USP24: variants seen among roughly 807,000 people sequenced by gnomAD.
The protein encoded by USP24 is ubiquitin specific peptidase 24.
In USP24, 97 loss-of-function variants were observed where a neutral mutation model predicts 361.6. That is an observed-to-expected ratio of 0.27 (90% CI 0.23 to 0.32). The LOEUF (loss-of-function observed/expected upper bound fraction) is 0.32. USP24 is among the 10% of genes least tolerant of loss of function. The pLI is 1.00. For synonymous variants in USP24, 1,098 were observed against 1,124.6 expected (o/e 0.98, Z 0.47); for missense variants, 2,353 against 3,165.6 (o/e 0.74, Z 6.16).
intron 1 of USP24, among the ~76,000 whole-genome samples, chr1:55,209,926 G>C (rs920356583): frequency 8.5e-5 from 13 of 152,156 alleles, no homozygotes; most frequent in African/African-American, 3.1e-4. Context: ...TAGGCAGTAA[G>C]TATAAAAATA....
rs1645100477 is a variant in USP24 at position 55,079,572 on chromosome 1, A to G, written c.7166T>C (p.Leu2389Ser). 6.3e-7 allele frequency: 1 copy of G among 1,577,018 alleles called. No homozygotes were observed. The highest frequency in any genetic ancestry group is 1.4e-5 in the African/African-American group (1 of 72,576). The change falls in exon 60 of 68, where the codon TTG (leucine) becomes TCG (serine). Residue 2389 changes from leucine (L) to serine (S), a missense_variant. Around this residue, in one of 8 missense-constraint regions of USP24, gnomAD observed 598 missense variants for 761.9 expected, o/e 0.78. Transcript: ENST00000294383. The part of the protein sequence containing the change: ...LPLHEEVEAL[L>S]FMSEGKPYLL... ...GTAAGGTTTCCCTTCAGACATGAAC[A>G]ACAAGGCTTCTACCTCCTCATGGAG...
At chr1:55,136,615 G>A (rs1436092358) in intron 28 of USP24, among the ~76,000 whole-genome samples, 1 of 152,136 alleles carries the variant, frequency 6.6e-6, no homozygotes, top group Non-Finnish European at 1.5e-5. Context: ...AAAGTAGCTG[G>A]ATTGTCGATG....
chr1:55,123,446 C>A lies in USP24; in HGVS notation c.4276+1G>T. On this transcript the variant is annotated splice_donor_variant, in intron 36 of 67. Coordinates refer to ENST00000294383, the MANE Select transcript of USP24 (RefSeq NM_015306.3). LOFTEE classifies it high-confidence loss of function. ...TAATCACAAACAAGCCTCCAGCATA[C>A]CCAGTTGCTGGCTCCGAAGCTGTAG... is the stretch of plus-strand genomic sequence containing the variant. 6.3e-7 allele frequency: 1 copy of A among 1,583,558 alleles called. No individual in the cohort carries two copies. The highest frequency in any genetic ancestry group is 8.6e-7 in the Non-Finnish European group (1 of 1,164,750).
chr1:55,169,628 T>C (rs936852628), intron 5 of USP24, among the ~76,000 whole-genome samples: 1 of 152,206 alleles, frequency 6.6e-6, no homozygotes, highest in African/African-American at 2.4e-5. Flanking sequence ...AATAGCCAAC[T>C]TCTCCACAGC....
intron 67 of USP24, among the ~76,000 whole-genome samples, chr1:55,070,589 C>G (rs555371662): frequency 6.6e-6 from 1 of 152,160 alleles, no homozygotes; most frequent in Non-Finnish European, 1.5e-5. Context: ...AGGGAAGAGG[C>G]TGAAGAGCGA....
intron 39 of USP24, 50 bp from the exon 40 acceptor site, chr1:55,107,480 A>G: frequency 6.7e-7 from 1 of 1,484,744 alleles, no homozygotes; most frequent in South Asian, 1.4e-5. Flanking sequence ...ATTTCCCTTT[A>G]TGGAGTCAAA....
At chr1:55,069,428 C>T (rs1557517372) in intron 67 of USP24, among the ~76,000 whole-genome samples, 1 of 152,224 alleles carries the variant, frequency 6.6e-6, no homozygotes, top group Non-Finnish European at 1.5e-5. Flanking sequence ...GCCCGCTTCA[C>T]GTTGGGCACT....
In USP24 at chr1:55,077,215, T is replaced by A; in HGVS notation, c.7380+20A>T. Reference sequence around the variant, plus strand: ...TAATACATTCCTAAATAAAAGTGAGTCAGAACAGTTATGACTTACCAATAT... The same window carrying A: ...TAATACATTCCTAAATAAAAGTGAGACAGAACAGTTATGACTTACCAATAT... On this transcript the variant is annotated intron_variant, in intron 62 of 67. Transcript: ENST00000294383. 1 of 1,491,064 alleles carries A rather than the reference T, an allele frequency of 6.7e-7. No individual in the cohort carries two copies. Among genetic ancestry groups the A allele is most frequent in the Non-Finnish European group, 9.0e-7 (1 of 1,106,754 alleles). 92.4% of individuals were successfully genotyped at this position (1,491,064 alleles called of 1,614,324 possible). A position where few individuals can be genotyped will look rare whatever the true frequency, so the allele number is the denominator to read the frequency against.
Position 55,162,241 on chromosome 1 carries a change from G to A in USP24, c.951C>T (p.Pro317=), listed in dbSNP as rs1425659754. Residue 317 remains proline, a synonymous_variant, in exon 8 of 68, where the codon CCC becomes CCT. Coordinates refer to ENST00000294383, the MANE Select transcript of USP24 (RefSeq NM_015306.3). ...TGAGGTACTCTGCACACACTCCTAA[G>A]GGCTGAATCAGTGCTGAGACAGCCT... ...ELGAVSALIQ[P]LGVCAEYLNS... is the part of the protein sequence containing the mutation. 1 of 1,593,598 alleles carries A rather than the reference G, an allele frequency of 6.3e-7. No homozygotes were observed. The highest frequency in any genetic ancestry group is 2.3e-5 in the East Asian group (1 of 43,586).
chr1:55,070,367 G>C (rs958856871), intron 67 of USP24, among the ~76,000 whole-genome samples: 2 of 152,204 alleles, frequency 1.3e-5, no homozygotes, highest in Non-Finnish European at 2.9e-5. Context: ...GTCCAGAAGA[G>C]GCAGTACTAG....
intron 42 of USP24, among the ~76,000 whole-genome samples, chr1:55,102,659 G>A (rs1464065024): frequency 1.3e-5 from 2 of 151,474 alleles, no homozygotes; most frequent in South Asian, 2.1e-4. Flanking sequence ...AATTAACACC[G>A]AAATTTATTT....
rs149130136 is a variant in USP24, at chr1:55,174,758, G to C, written c.558+1618C>G. Among the ~76,000 whole-genome samples, 719 of 152,330 alleles carry C rather than the reference G, an allele frequency of 4.7e-3. 5 individuals are homozygous for C. The highest frequency in any genetic ancestry group is 0.016 in the African/African-American group (667 of 41,580). On this transcript the variant is annotated intron_variant, in intron 3 of 67. Transcript: ENST00000294383. Reference sequence around the variant, plus strand: ...TGCATCCACTGTGATGTGTGTCACAGTATGTTACAATATAACAATTTTGCT... The same window carrying C: ...TGCATCCACTGTGATGTGTGTCACACTATGTTACAATATAACAATTTTGCT...
chr1:55,181,784 C>T (rs1320105627), intron 1 of USP24, among the ~76,000 whole-genome samples: 1 of 152,180 alleles, frequency 6.6e-6, no homozygotes, highest in African/African-American at 2.4e-5. Flanking sequence ...TGAATTGTGT[C>T]TACTCCCCCA....
intron 1 of USP24, among the ~76,000 whole-genome samples, chr1:55,190,164 CAAAAAAAAAAA>C (rs397696116): frequency 2.5e-5 from 2 of 78,740 alleles, no homozygotes; most frequent in Non-Finnish European, 2.2e-5. Flanking sequence ...GACTCCATCT[CAAAAAAAAAAA>C]AAAAAAAAAA....
At chr1:55,129,055 T>G (rs1479414465) in intron 32 of USP24, among the ~76,000 whole-genome samples, 2 of 152,142 alleles carry the variant, frequency 1.3e-5, no homozygotes, top group Non-Finnish European at 2.9e-5. Context: ...CCTAGCTGTT[T>G]GTTATTCTTT....
intron 59 of USP24, among the ~76,000 whole-genome samples, 192 bp from the exon 60 acceptor site, chr1:55,079,851 A>C (rs1645112162): frequency 6.8e-6 from 1 of 146,850 alleles, no homozygotes; most frequent in Non-Finnish European, 1.5e-5. Flanking sequence ...TCACACACAG[A>C]GTACTCGTGC....
At chr1:55,084,922 C>A (rs1043100809) in intron 56 of USP24, among the ~76,000 whole-genome samples, 4 of 152,138 alleles carry the variant, frequency 2.6e-5, no homozygotes, top group African/African-American at 9.7e-5. Flanking sequence ...TGCCTTTATC[C>A]TTTGTTTGGG....
chr1:55,157,972 C>A (rs1054130060), intron 10 of USP24, among the ~76,000 whole-genome samples: 1 of 152,110 alleles, frequency 6.6e-6, no homozygotes, highest in Admixed American at 6.6e-5. Flanking sequence ...GGAAAGTATA[C>A]AGAAGTGTCA....
chr1:55,158,561 C>T (rs1438190561), intron 10 of USP24, among the ~76,000 whole-genome samples: 1 of 152,168 alleles, frequency 6.6e-6, no homozygotes. Flanking sequence ...AGTAAACTTA[C>T]ACCTGAAATA....
Sources: allele counts gnomAD v4.1 joint callset (sites outside exome capture counted in the v4.1 genomes callset), GRCh38; gene constraint gnomAD v4.1.1; regional missense constraint gnomAD v4.1.1; transcripts MANE v1.5; gene names NCBI Gene and HGNC (gene_info 2026-07-23, HGNC 2026-07-21).